Variants in NAPB observed in about 807,000 individuals in gnomAD.
NAPB encodes the protein NSF attachment protein beta.
NAPB carries 26 observed loss-of-function variants against 44.7 expected under a neutral mutation model. The observed-to-expected ratio is 0.58, with a 90% confidence interval of 0.43 to 0.81. The LOEUF (loss-of-function observed/expected upper bound fraction) is 0.81. Among genes scored for constraint, NAPB ranks in the 30% least tolerant of loss-of-function variants. The probability of loss-of-function intolerance (pLI) is 0.00; values close to 1 mark genes in which losing one functional copy is unlikely to be tolerated. For missense variants in NAPB, 315 were observed against 356.4 expected (o/e 0.88, Z 0.94); for synonymous variants, 120 against 116.8 (o/e 1.03, Z -0.18).
intron 7 of NAPB, among the ~76,000 whole-genome samples, chr20:23,387,586 C>T (rs999894907): frequency 6.6e-6 from 1 of 152,056 alleles, no homozygotes; most frequent in African/African-American, 2.4e-5. Flanking sequence ...TTTCTATACA[C>T]TAGCAGTTAA....
intron 3 of NAPB, 116 bp downstream of exon 3, chr20:23,396,955 CA>C (rs1372048208): frequency 9.0e-7 from 1 of 1,114,826 alleles, no homozygotes; most frequent in African/African-American, 1.6e-5. Context: ...TTCCAAAATA[CA>C]AAAATTCCTT....
chr20:23,408,581 G>T (rs577988483), intron 1 of NAPB, among the ~76,000 whole-genome samples: 1 of 152,196 alleles, frequency 6.6e-6, no homozygotes, highest in Non-Finnish European at 1.5e-5. Context: ...AAACTCCACA[G>T]ATTCTAAAAA....
Position 23,397,143 on chromosome 20 carries a change from A to G in NAPB, c.224T>C (p.Leu75Pro). The G allele has an allele frequency of 1.2e-6, 2 of 1,613,568 alleles. No individual in the cohort carries two copies. The highest frequency in any genetic ancestry group is 1.7e-6 in the Non-Finnish European group (2 of 1,179,530). ...FCQAAKLHMQ[L>P]QSKHDSATSF... ...GGTAGCAGAGTCATGTTTGCTCTGA[A>G]GCTGCATGTGGAGCTTGGCTGCCTG... Residue 75 changes from leucine to proline, a missense_variant, in exon 3 of 11, where the codon CTT becomes CCT. By Grantham distance (98) the Leu-to-Pro change is moderately conservative. Transcript: ENST00000377026.
intron 1 of NAPB, among the ~76,000 whole-genome samples, chr20:23,418,270 G>A (rs1472565559): frequency 1.3e-5 from 2 of 152,080 alleles, no homozygotes; most frequent in Admixed American, 6.6e-5. Context: ...ATTACTCTGC[G>A]TTTTAAATAA....
intron 7 of NAPB, among the ~76,000 whole-genome samples, chr20:23,385,119 A>AAAAC (rs1006679333): frequency 2.3e-4 from 31 of 136,926 alleles, no homozygotes; most frequent in African/African-American, 8.1e-4. Context: ...ACTCTGTCTC[A>AAAAC]AAACAAACAA....
intron 8 of NAPB, chr20:23,380,874 A>G (rs1251475388): frequency 5.9e-6 from 1 of 168,666 alleles, no homozygotes; most frequent in Non-Finnish European, 1.3e-5. Context: ...GGTGGCTACC[A>G]GTGAACATAT....
rs928574625 is a variant in NAPB, at chr20:23,375,114, T to C, written c.*2262A>G. ...TAACTGGGCTTTTCTCTCATTCTTTTTTTTAATCTTCTGGCAGGTCTCTTC... is the reference window on the plus strand; with the variant it reads ...TAACTGGGCTTTTCTCTCATTCTTTCTTTTAATCTTCTGGCAGGTCTCTTC... On this transcript the variant is annotated 3_prime_UTR_variant, in exon 11 of 11. Coordinates refer to ENST00000377026, the MANE Select transcript of NAPB (RefSeq NM_022080.3). The C allele has an allele frequency of 1.3e-5, 2 of 152,208 alleles. No individual in the cohort carries two copies. Among genetic ancestry groups the C allele is most frequent in the East Asian group, 3.9e-4 (2 of 5,194 alleles). The allele number at this position is 152,208 out of a possible 1,614,324, so 9.4% of individuals were successfully genotyped here.
At chr20:23,385,711 TGAAAGAAGA>T (rs3040368) in intron 7 of NAPB, among the ~76,000 whole-genome samples, 65,803 of 147,620 alleles carry the variant, frequency 0.45, 14,828 homozygotes, top group East Asian at 0.71. Context: ...AGACTCTGTC[TGAAAGAAGA>T]GAAAGAAGAG....
intron 7 of NAPB, among the ~76,000 whole-genome samples, chr20:23,388,765 G>C (rs779150657): frequency 1.3e-5 from 2 of 152,006 alleles, no homozygotes; most frequent in African/African-American, 2.4e-5. Context: ...ACTCAAAATG[G>C]ATAAAAGACC....
intron 10 of NAPB, 99 bp from the exon 11 acceptor site, chr20:23,377,585 C>A: frequency 1.9e-6 from 1 of 523,050 alleles, no homozygotes; most frequent in Non-Finnish European, 3.2e-6. Flanking sequence ...CAGCCATAAT[C>A]TACTAACTTT....
At chr20:23,395,089 G>A (rs1225495150) in intron 4 of NAPB, 50 bp downstream of exon 4, 1 of 1,612,434 alleles carries the variant, frequency 6.2e-7, no homozygotes, top group Non-Finnish European at 8.5e-7. Flanking sequence ...AGAACTCTAA[G>A]CCATCTCAAG....
chr20:23,415,413 G>T (rs914086779), intron 1 of NAPB, among the ~76,000 whole-genome samples: 5 of 152,036 alleles, frequency 3.3e-5, no homozygotes, highest in African/African-American at 9.7e-5. Context: ...GGCCAACATG[G>T]TGAAACCCTG....
At chr20:23,415,098 T>A (rs1448876771) in intron 1 of NAPB, among the ~76,000 whole-genome samples, 1 of 152,128 alleles carries the variant, frequency 6.6e-6, no homozygotes, top group Non-Finnish European at 1.5e-5. Flanking sequence ...TAAGACCATG[T>A]AAGTTATAAT....
At chr20:23,385,685 C>T (rs1983447239) in intron 7 of NAPB, among the ~76,000 whole-genome samples, 1 of 149,206 alleles carries the variant, frequency 6.7e-6, no homozygotes, top group Non-Finnish European at 1.5e-5. Context: ...TGCACTCCAG[C>T]CTGGGTGACA....
chr20:23,381,498 T>C (rs1983003264), intron 7 of NAPB, among the ~76,000 whole-genome samples, 181 bp from the exon 8 acceptor site: 1 of 152,220 alleles, frequency 6.6e-6, no homozygotes, highest in African/African-American at 2.4e-5. Flanking sequence ...ATTAAATACA[T>C]GAAGTCTTAA....
intron 1 of NAPB, among the ~76,000 whole-genome samples, chr20:23,417,936 T>A (rs1409602111): frequency 6.6e-6 from 1 of 152,162 alleles, no homozygotes; most frequent in Admixed American, 6.5e-5. Flanking sequence ...TTTCATCTAA[T>A]TTTACTGAAA....
Position 23,377,325 on chromosome 20 carries a change from T to C in NAPB, c.*51A>G. 1 of 1,267,554 alleles carries C rather than the reference T, an allele frequency of 7.9e-7. No homozygotes were observed. Among genetic ancestry groups the C allele is most frequent in the Non-Finnish European group, 1.1e-6 (1 of 896,006 alleles). 78.5% of individuals were successfully genotyped at this position (1,267,554 alleles called of 1,614,324 possible). On this transcript the variant is annotated 3_prime_UTR_variant, in exon 11 of 11. Coordinates refer to ENST00000377026, the MANE Select transcript of NAPB (RefSeq NM_022080.3). Reference sequence around the variant, plus strand: ...GCATCCCATAAAGATCACTTGACCCTAAGACAAAACTAAAGAGGAGTTAGC... The same window carrying C: ...GCATCCCATAAAGATCACTTGACCCCAAGACAAAACTAAAGAGGAGTTAGC...
Position 23,412,144 on chromosome 20 carries a change from C to G in NAPB, c.99-9072G>C, listed in dbSNP as rs147304419. 3.1e-3 allele frequency among the ~76,000 whole-genome samples: 479 copies of G among 152,276 alleles called. 2 individuals are homozygous for G. Among genetic ancestry groups the G allele is most frequent in the Middle Eastern group, 0.01 (3 of 294 alleles). ...TGCAGACTGGCTGTGACTGCTGCCT[C>G]TTTCTCCAAGTGTCATCATTCTCTA... On this transcript the variant is annotated intron_variant, in intron 1 of 10. Transcript: ENST00000377026.
rs546034746 is a variant in NAPB, at chr20:23,408,605, T to C, written c.99-5533A>G. 8.5e-5 allele frequency among the ~76,000 whole-genome samples: 13 copies of C among 152,360 alleles called. No homozygotes were observed. The South Asian group carries it at 2.7e-3, about 32-fold the overall frequency. Reference sequence around the variant, plus strand: ...AGATTCTAAAAACTTGGGGCTTTCCTAGGTAAACTTAACCCTTCCAAGATT... The same window carrying C: ...AGATTCTAAAAACTTGGGGCTTTCCCAGGTAAACTTAACCCTTCCAAGATT... On this transcript the variant is annotated intron_variant, in intron 1 of 10. Coordinates refer to ENST00000377026, the MANE Select transcript of NAPB (RefSeq NM_022080.3).
Sources: allele counts gnomAD v4.1 joint callset (sites outside exome capture counted in the v4.1 genomes callset), GRCh38; gene constraint gnomAD v4.1.1; transcripts MANE v1.5; gene names NCBI Gene and HGNC (gene_info 2026-07-23, HGNC 2026-07-21).